SIPA1L1: variants seen among roughly 807,000 people sequenced by gnomAD.
SIPA1L1 encodes signal-induced proliferation-associated 1-like protein 1.
SIPA1L1 carries 26 observed loss-of-function variants against 162.7 expected under a neutral mutation model. The ratio of observed to expected loss-of-function variants is 0.16; its 90% CI spans 0.12 to 0.22. The LOEUF (loss-of-function observed/expected upper bound fraction) is 0.22, where lower values mean the gene tolerates loss of function less well. Ranked by LOEUF, SIPA1L1 falls within the 10% of genes least tolerant of loss-of-function variation. The pLI, the probability that SIPA1L1 is intolerant of heterozygous loss-of-function variation, is 1.00. For synonymous variants in SIPA1L1, 829 were observed against 837.4 expected, an observed-to-expected ratio of 0.99 and a Z score of 0.17; for missense variants, 1,874 against 2,241.0, an observed-to-expected ratio of 0.84 and a Z score of 3.31.
intron 2 of SIPA1L1, among the ~76,000 whole-genome samples, chr14:71,335,156 C>T (rs552062740): frequency 2.0e-5 from 3 of 152,188 alleles, no homozygotes; most frequent in South Asian, 2.1e-4. Context: ...AAAAATTAGC[C>T]GGGCGTGGTA....
chr14:71,582,074 C>T (rs1362574501), intron 4 of SIPA1L1, among the ~76,000 whole-genome samples: 1 of 152,154 alleles, frequency 6.6e-6, no homozygotes, highest in Non-Finnish European at 1.5e-5. Context: ...GGGTTGGGTG[C>T]ACTGGCTTAC....
Position 71,357,053 on chromosome 14 carries a change from A to T in SIPA1L1, c.-465+35872A>T, listed in dbSNP as rs572405172. Among the ~76,000 whole-genome samples the T allele has an allele frequency of 1.9e-3, 286 of 152,202 alleles. 1 individual carries two copies. Among genetic ancestry groups the T allele is most frequent in the Middle Eastern group, 3.4e-3 (1 of 294 alleles). On this transcript the variant is annotated intron_variant, in intron 2 of 23. Coordinates refer to ENST00000381232, the MANE Select transcript of SIPA1L1 (RefSeq NM_001386936.1). ...CAAATCATGACATTATTATAATTTT[A>T]AAAAAATTTTATGTGTTAGAGACAG...
At chr14:71,585,423 A>G (rs2034464392) in intron 4 of SIPA1L1, among the ~76,000 whole-genome samples, 1 of 152,172 alleles carries the variant, frequency 6.6e-6, no homozygotes, top group Non-Finnish European at 1.5e-5. Flanking sequence ...TAAAAATAAG[A>G]TTTTATAAAC....
chr14:71,375,706 T>G (rs911806694), intron 2 of SIPA1L1, among the ~76,000 whole-genome samples: 3 of 152,190 alleles, frequency 2.0e-5, no homozygotes, highest in African/African-American at 7.2e-5. Flanking sequence ...TGGTTTTAGC[T>G]TTTTGTATTT....
chr14:71,553,832 T>G (rs906844954), intron 4 of SIPA1L1, among the ~76,000 whole-genome samples: 2 of 152,190 alleles, frequency 1.3e-5, no homozygotes, highest in Admixed American at 1.3e-4. Flanking sequence ...AACTGATTGA[T>G]TCATTGAATA....
intron 2 of SIPA1L1, among the ~76,000 whole-genome samples, chr14:71,364,340 C>G (rs1409961083): frequency 1.3e-5 from 2 of 152,158 alleles, no homozygotes; most frequent in Non-Finnish European, 2.9e-5. Flanking sequence ...TGAAACATTT[C>G]CATCTTTCCC....
chr14:71,620,717 A>G (rs937156210), intron 6 of SIPA1L1, among the ~76,000 whole-genome samples: 12 of 151,802 alleles, frequency 7.9e-5, no homozygotes, highest in Non-Finnish European at 1.3e-4. Flanking sequence ...TCTCCTACCT[A>G]TCTGTCCTAA....
At chr14:71,392,612 C>T (rs2040849035) in intron 2 of SIPA1L1, among the ~76,000 whole-genome samples, 1 of 152,162 alleles carries the variant, frequency 6.6e-6, no homozygotes, top group Non-Finnish European at 1.5e-5. Flanking sequence ...ACTGCAAGCC[C>T]CGCCTTCCGG....
rs537770968 is a variant in SIPA1L1 at position 71,383,489 on chromosome 14, C to T, written c.-465+62308C>T. 3.3e-5 allele frequency among the ~76,000 whole-genome samples: 5 copies of T among 152,284 alleles called. No homozygotes were observed. In the South Asian group the frequency reaches 6.2e-4, roughly 19 times the overall value. On this transcript the variant is annotated intron_variant, in intron 2 of 23. Coordinates refer to ENST00000381232, the MANE Select transcript of SIPA1L1 (RefSeq NM_001386936.1). ...ACCATGCGTTACTGCCTTTGAAATG[C>T]CTTTTTCACTGTGTTAGTTTATTTT...
At chr14:71,330,817 A>G in intron 2 of SIPA1L1, 2 of 647,166 alleles carry the variant, frequency 3.1e-6, no homozygotes, top group Non-Finnish European at 5.6e-6. Context: ...CATATTCTAG[A>G]TATTAACACC....
At position 71,423,081 on chromosome 14, in the gene SIPA1L1, G is replaced by T. The variant is rs533825513; in HGVS notation, c.-464-89662G>T. ...TATTTCTCTAATGCTTAGTGATGTC[G>T]AACATTTTTTTATGTGCTTATTGGC... On this transcript the variant is annotated intron_variant, in intron 2 of 23. Transcript: ENST00000381232. Among the ~76,000 whole-genome samples, 24 of 152,246 alleles carry T rather than the reference G, an allele frequency of 1.6e-4. 1 individual carries two copies. Among genetic ancestry groups the T allele is most frequent in the African/African-American group, 5.5e-4 (23 of 41,558 alleles).
chr14:71,679,164 A>C (rs1365251129), intron 12 of SIPA1L1, among the ~76,000 whole-genome samples: 3 of 152,194 alleles, frequency 2.0e-5, no homozygotes, highest in East Asian at 3.9e-4. Context: ...ATGAAGGAAA[A>C]AGTGTTAAGG....
chr14:71,622,768 T>C (rs1351703436), intron 6 of SIPA1L1, among the ~76,000 whole-genome samples: 2 of 152,198 alleles, frequency 1.3e-5, no homozygotes, highest in African/African-American at 4.8e-5. Context: ...ATTTGCAGCT[T>C]AATTTCTGAG....
In SIPA1L1 at chr14:71,570,992, A is replaced by G. The variant is rs539826089; in HGVS notation, c.-302-16579A>G. Reference sequence around the variant, plus strand: ...TGTATTTTAGTAGAGGCGGGGTTTCACCCTGTTGGCCAGGCTGGTCTCGAA... The same window carrying G: ...TGTATTTTAGTAGAGGCGGGGTTTCGCCCTGTTGGCCAGGCTGGTCTCGAA... On this transcript the variant is annotated intron_variant, in intron 4 of 23. Transcript: ENST00000381232. Among the ~76,000 whole-genome samples the G allele has an allele frequency of 1.8e-3, 266 of 151,886 alleles. 1 individual carries two copies. Among genetic ancestry groups the G allele is most frequent in the African/African-American group, 6.2e-3 (258 of 41,410 alleles).
intron 18 of SIPA1L1, 96 bp from the exon 19 acceptor site, chr14:71,724,574 A>T: frequency 1.1e-6 from 1 of 898,112 alleles, no homozygotes; most frequent in Non-Finnish European, 1.7e-6. Flanking sequence ...ATATTTCTCT[A>T]TTGACTTATA....
intron 2 of SIPA1L1, among the ~76,000 whole-genome samples, chr14:71,507,450 T>C (rs1365342016): frequency 6.6e-6 from 1 of 152,204 alleles, no homozygotes; most frequent in Non-Finnish European, 1.5e-5. Context: ...CCTTAATCAA[T>C]TGATGTGTAG....
At chr14:71,492,732 C>T (rs2049385132) in intron 2 of SIPA1L1, among the ~76,000 whole-genome samples, 1 of 152,040 alleles carries the variant, frequency 6.6e-6, no homozygotes, top group Non-Finnish European at 1.5e-5. Flanking sequence ...TCAAGCGATC[C>T]ATCTCAGCTT....
At chr14:71,561,329 A>G (rs867928841) in intron 4 of SIPA1L1, among the ~76,000 whole-genome samples, 2 of 152,140 alleles carry the variant, frequency 1.3e-5, no homozygotes, top group Non-Finnish European at 2.9e-5. Flanking sequence ...CCATCTTTAT[A>G]TAGGTTATTT....
intron 2 of SIPA1L1, among the ~76,000 whole-genome samples, chr14:71,419,235 G>GTTTT (rs34732746): frequency 7.0e-6 from 1 of 142,644 alleles, no homozygotes; most frequent in Non-Finnish European, 1.5e-5. Context: ...TTCTTTCAGG[G>GTTTT]TTTTTTTTTT....
Sources: allele counts gnomAD v4.1 joint callset (sites outside exome capture counted in the v4.1 genomes callset), GRCh38; gene constraint gnomAD v4.1.1; transcripts MANE v1.5; gene names NCBI Gene and HGNC (gene_info 2026-07-23, HGNC 2026-07-21).